The following ZBTB7C variants were observed in gnomAD, a reference collection of about 807,000 sequenced individuals.
The protein encoded by ZBTB7C is zinc finger and BTB domain containing 7C.
In ZBTB7C, 8 loss-of-function variants were observed where a neutral mutation model predicts 25.7. That is an observed-to-expected ratio of 0.31 (90% CI 0.18 to 0.56). The LOEUF (loss-of-function observed/expected upper bound fraction) is 0.56. Among genes scored for constraint, ZBTB7C ranks in the 20% least tolerant of loss-of-function variants. The pLI is 0.91. For synonymous variants in ZBTB7C, 394 were observed against 369.0 expected, an observed-to-expected ratio of 1.07 and a Z score of -0.78; for missense variants, 824 against 855.2, an observed-to-expected ratio of 0.96 and a Z score of 0.46.
intron 3 of ZBTB7C, among the ~76,000 whole-genome samples, chr18:48,122,012 A>G (rs1198289558): frequency 1.3e-5 from 2 of 152,200 alleles, no homozygotes; most frequent in Non-Finnish European, 2.9e-5. Context: ...GGTGACTTAC[A>G]GCATAACAGA....
At chr18:48,397,133 ATTGT>A (rs2048046340) in intron 1 of ZBTB7C, among the ~76,000 whole-genome samples, 1 of 152,236 alleles carries the variant, frequency 6.6e-6, no homozygotes, top group South Asian at 2.1e-4. Flanking sequence ...CTAAATTCTT[ATTGT>A]TTAAGGCTAA....
At chr18:48,136,358 G>GC (rs1278918040) in intron 3 of ZBTB7C, among the ~76,000 whole-genome samples, 1 of 152,188 alleles carries the variant, frequency 6.6e-6, no homozygotes, top group Non-Finnish European at 1.5e-5. Flanking sequence ...CCAGGGAAGA[G>GC]CCCCCCACCC....
At chr18:48,391,469 A>G (rs2047902051) in intron 1 of ZBTB7C, among the ~76,000 whole-genome samples, 1 of 152,212 alleles carries the variant, frequency 6.6e-6, no homozygotes, top group Admixed American at 6.5e-5. Flanking sequence ...AGTGGAGTTC[A>G]TTGAATGTTT....
intron 3 of ZBTB7C, among the ~76,000 whole-genome samples, chr18:48,172,355 G>A (rs1331542240): frequency 1.3e-5 from 2 of 152,204 alleles, no homozygotes; most frequent in Non-Finnish European, 2.9e-5. Context: ...AGCAGGCAGG[G>A]GGGCACGGAG....
chr18:48,156,651 C>A (rs755844929), intron 3 of ZBTB7C, among the ~76,000 whole-genome samples: 18 of 152,192 alleles, frequency 1.2e-4, no homozygotes, highest in Non-Finnish European at 2.6e-4. Context: ...GAACATCAAA[C>A]ACTGCCCAAA....
intron 2 of ZBTB7C, among the ~76,000 whole-genome samples, chr18:48,218,619 C>A (rs952334526): frequency 4.6e-5 from 7 of 152,210 alleles, no homozygotes; most frequent in Admixed American, 4.6e-4. Flanking sequence ...GATTTTTAAA[C>A]CACAAGTACA....
chr18:48,218,427 G>T (rs565745650), intron 2 of ZBTB7C, among the ~76,000 whole-genome samples: 2 of 152,338 alleles, frequency 1.3e-5, no homozygotes, highest in Admixed American at 6.5e-5. Flanking sequence ...CCTGGTACAG[G>T]GTGAGGCCAA....
At chr18:48,079,392 AC>A (rs1356072038) in intron 3 of ZBTB7C, among the ~76,000 whole-genome samples, 1 of 152,208 alleles carries the variant, frequency 6.6e-6, no homozygotes, top group Non-Finnish European at 1.5e-5. Context: ...TTAAAGTGTT[AC>A]CTATTCTGGA....
chr18:48,392,839 C>A (rs539549319), intron 1 of ZBTB7C, among the ~76,000 whole-genome samples: 1 of 152,142 alleles, frequency 6.6e-6, no homozygotes, highest in Non-Finnish European at 1.5e-5. Flanking sequence ...CCAATGCCCA[C>A]GCTAGGGTCA....
At chr18:48,274,541 C>T (rs544424881) in intron 2 of ZBTB7C, among the ~76,000 whole-genome samples, 35 of 152,146 alleles carry the variant, frequency 2.3e-4, no homozygotes, top group Non-Finnish European at 2.5e-4. Context: ...CCCAAACTCG[C>T]TCCTCCCAGT....
intron 2 of ZBTB7C, among the ~76,000 whole-genome samples, chr18:48,314,205 A>G (rs2045891168): frequency 6.6e-6 from 1 of 152,244 alleles, no homozygotes; most frequent in African/African-American, 2.4e-5. Flanking sequence ...TTATATCTGA[A>G]TTTCAGATAA....
Position 48,029,927 on chromosome 18 carries a change from T to G in ZBTB7C, c.1209-16A>C, listed in dbSNP as rs906614160. 1 of 1,609,628 alleles carries G rather than the reference T, an allele frequency of 6.2e-7. No individual in the cohort carries two copies. The highest frequency in any genetic ancestry group is 8.5e-7 in the Non-Finnish European group (1 of 1,179,964). ...CTTGTCCTGCCTGCAATGCAGAGAC[T>G]GGGGGTCAGTCCCGCAGGGAACACC... On this transcript the variant is annotated splice_polypyrimidine_tract_variant and intron_variant, in intron 4 of 4. Coordinates refer to ENST00000590800, the MANE Select transcript of ZBTB7C (RefSeq NM_001318841.2).
At chr18:48,272,599 T>C (rs1195769724) in intron 2 of ZBTB7C, among the ~76,000 whole-genome samples, 1 of 151,018 alleles carries the variant, frequency 6.6e-6, no homozygotes, top group Non-Finnish European at 1.5e-5. Flanking sequence ...GAGTGAAGAG[T>C]TTCTCAAAGG....
At chr18:48,306,484 C>T (rs1454624851) in intron 2 of ZBTB7C, among the ~76,000 whole-genome samples, 3 of 152,206 alleles carry the variant, frequency 2.0e-5, no homozygotes, top group African/African-American at 7.2e-5. Flanking sequence ...GTCTCCAAAA[C>T]TTTTTGTATT....
At chr18:48,128,898 A>T (rs1167640764) in intron 3 of ZBTB7C, among the ~76,000 whole-genome samples, 3 of 152,160 alleles carry the variant, frequency 2.0e-5, no homozygotes, top group Non-Finnish European at 4.4e-5. Flanking sequence ...TGCGCAGGTA[A>T]GCCCTCTCTT....
At chr18:48,062,110 T>C (rs1433839630) in intron 3 of ZBTB7C, among the ~76,000 whole-genome samples, 2 of 152,224 alleles carry the variant, frequency 1.3e-5, no homozygotes, top group Non-Finnish European at 2.9e-5. Flanking sequence ...TTTCTTCTCA[T>C]TAAACAATTT....
chr18:48,241,638 A>T (rs929040606), intron 2 of ZBTB7C, among the ~76,000 whole-genome samples: 3 of 152,184 alleles, frequency 2.0e-5, no homozygotes, highest in East Asian at 3.8e-4. Flanking sequence ...GATAGAAATT[A>T]AAAAATTATT....
At chr18:48,096,239 A>G (rs2038628037) in intron 3 of ZBTB7C, among the ~76,000 whole-genome samples, 2 of 152,230 alleles carry the variant, frequency 1.3e-5, no homozygotes, top group Non-Finnish European at 2.9e-5. Flanking sequence ...GGGCTTTTTA[A>G]GAGAGTGTGA....
At chr18:48,245,885 T>C (rs913157455) in intron 2 of ZBTB7C, among the ~76,000 whole-genome samples, 4 of 152,188 alleles carry the variant, frequency 2.6e-5, no homozygotes, top group African/African-American at 9.7e-5. Flanking sequence ...TTAAAGAATG[T>C]TGGGGATGGA....
Sources: allele counts gnomAD v4.1 joint callset (sites outside exome capture counted in the v4.1 genomes callset), GRCh38; gene constraint gnomAD v4.1.1; transcripts MANE v1.5; gene names NCBI Gene and HGNC (gene_info 2026-07-23, HGNC 2026-07-21).